Variants in CFAP47 observed in about 807,000 individuals in gnomAD.
CFAP47 encodes cilia- and flagella-associated protein 47.
Under a neutral mutation model 148.1 loss-of-function variants are expected in CFAP47, and 29 were observed. The observed-to-expected ratio is 0.20, with a 90% CI of 0.15 to 0.27. The LOEUF (loss-of-function observed/expected upper bound fraction) is 0.27, where lower values mean the gene tolerates loss of function less well. CFAP47 is among the 10% of genes least tolerant of loss of function. CFAP47 has a pLI of 1.00. For synonymous variants in CFAP47, 664 were observed against 577.3 expected, an observed-to-expected ratio of 1.15 and a Z score of -2.15; for missense variants, 1,872 against 1,697.5, an observed-to-expected ratio of 1.10 and a Z score of -1.81.
rs782530836 is a variant in CFAP47, at chrX:36,371,748, A to G, written c.9185+4621A>G. On this transcript the variant is annotated intron_variant, in intron 62 of 63. Coordinates refer to ENST00000378653, the MANE Select transcript of CFAP47 (RefSeq NM_001304548.2). ...CACACATGTGTGTATATATGTGTGT[A>G]TATACACACATGTGTGTATATACAC... 5.9e-3 allele frequency among the ~76,000 whole-genome samples: 352 copies of G among 60,113 alleles called. 71 individuals are homozygous for G. The highest frequency in any genetic ancestry group is 0.027 in the African/African-American group (322 of 12,092). 52.2% of individuals were successfully genotyped at this position (60,113 alleles called of 115,157 possible).
Position 36,099,888 on chromosome X carries a change from T to TC in CFAP47, c.5127+11dup. 1 of 904,599 alleles carries TC rather than the reference T, an allele frequency of 1.1e-6. No individual in the cohort carries two copies. The highest frequency in any genetic ancestry group is 1.6e-6 in the Non-Finnish European group (1 of 626,405). The allele number at this position is 904,599 out of a possible 1,213,427, so 74.5% of individuals were successfully genotyped here. A position where few individuals can be genotyped will look rare whatever the true frequency, so the allele number is the denominator to read the frequency against. ...TTCTACAGATATACAAGGTAACATT[T>TC]CCATTATTGTTCGCTGCTTCTCTGT... On this transcript the variant is annotated intron_variant, in intron 32 of 63. Coordinates refer to ENST00000378653, the MANE Select transcript of CFAP47 (RefSeq NM_001304548.2).
chrX:36,131,294 G>C (rs900881772), intron 33 of CFAP47, among the ~76,000 whole-genome samples: 1 of 111,282 alleles, frequency 9.0e-6, no homozygotes, highest in African/African-American at 3.3e-5. Flanking sequence ...TGTGTTGCTA[G>C]AGGGATTGTA....
At chrX:36,114,544 T>G (rs1366549376) in intron 33 of CFAP47, among the ~76,000 whole-genome samples, 1 of 111,881 alleles carries the variant, frequency 8.9e-6, no homozygotes, top group Non-Finnish European at 1.9e-5. Context: ...TCTTATTTTA[T>G]GACCTTGAGA....
In CFAP47 at chrX:36,319,323, C is replaced by T. The variant is rs1556011643; in HGVS notation, c.8443+16C>T. On this transcript the variant is annotated intron_variant, in intron 57 of 63. Coordinates refer to ENST00000378653, the MANE Select transcript of CFAP47 (RefSeq NM_001304548.2). ...GAAATACAAGGTACAGGATTTCTAC[C>T]TTACATTCTATCATTCTGTTTGTTG... 6.3e-6 allele frequency: 5 copies of T among 789,425 alleles called. No individual in the cohort carries two copies. The highest frequency in any genetic ancestry group is 8.9e-6 in the Non-Finnish European group (5 of 563,535). The allele number at this position is 789,425 out of a possible 1,213,427, so 65.1% of individuals were successfully genotyped here. A position where few individuals can be genotyped will look rare whatever the true frequency, so the allele number is the denominator to read the frequency against.
intron 26 of CFAP47, among the ~76,000 whole-genome samples, chrX:36,058,156 TCA>T (rs1367047654): frequency 8.9e-6 from 1 of 111,955 alleles, no homozygotes; most frequent in Non-Finnish European, 1.9e-5. Context: ...AGCTGTGATC[TCA>T]TTCTTTTCAA....
chrX:36,011,738 G>A (rs1937040360), intron 21 of CFAP47, among the ~76,000 whole-genome samples: 1 of 111,741 alleles, frequency 8.9e-6, no homozygotes, highest in Non-Finnish European at 1.9e-5. Flanking sequence ...GTTCCTTGTA[G>A]ATTGTGGGTA....
intron 43 of CFAP47, 103 bp from the exon 44 acceptor site, chrX:36,201,171 T>C: frequency 6.8e-6 from 2 of 293,041 alleles, no homozygotes; most frequent in Non-Finnish European, 1.2e-5. Flanking sequence ...ATAATGACCA[T>C]AACTGCAATT....
At chrX:36,294,660 C>T (rs868909219) in intron 51 of CFAP47, among the ~76,000 whole-genome samples, 15 of 109,881 alleles carry the variant, frequency 1.4e-4, no homozygotes, top group Middle Eastern at 9.6e-3. Flanking sequence ...TGCAGTGAGC[C>T]GAGATCATGC....
chrX:36,041,006 C>G (rs1250706914), intron 25 of CFAP47, among the ~76,000 whole-genome samples: 4 of 111,401 alleles, frequency 3.6e-5, no homozygotes, highest in Non-Finnish European at 7.5e-5. Flanking sequence ...AAATATATAA[C>G]CTTAAATACT....
intron 49 of CFAP47, among the ~76,000 whole-genome samples, chrX:36,263,446 G>A (rs1556000512): frequency 8.9e-6 from 1 of 111,798 alleles, no homozygotes; most frequent in Non-Finnish European, 1.9e-5. Context: ...CTCTAGGTTT[G>A]GGAAGTTCTC....
intron 49 of CFAP47, among the ~76,000 whole-genome samples, chrX:36,255,787 CTG>C (rs1940743808): frequency 1.8e-5 from 2 of 111,585 alleles, no homozygotes; most frequent in African/African-American, 3.3e-5. Flanking sequence ...AAACCAATAA[CTG>C]TGAGGGGGAA....
chrX:36,344,071 C>T (rs1350112368), intron 57 of CFAP47, among the ~76,000 whole-genome samples: 3 of 95,325 alleles, frequency 3.1e-5, no homozygotes, highest in Non-Finnish European at 6.1e-5. Flanking sequence ...TGAATAATGC[C>T]GCAATAAGTG....
At chrX:36,054,858 C>T (rs1033864325) in intron 26 of CFAP47, among the ~76,000 whole-genome samples, 8 of 110,217 alleles carry the variant, frequency 7.3e-5, no homozygotes, top group African/African-American at 1.7e-4. Context: ...CTGCAAGTTC[C>T]GCCTCCCGGG....
chrX:35,937,772 TTG>T (rs1935939908), intron 2 of CFAP47, among the ~76,000 whole-genome samples: 2 of 110,652 alleles, frequency 1.8e-5, no homozygotes, highest in African/African-American at 6.6e-5. Flanking sequence ...AAAAAAACTG[TTG>T]GAGTGAGCAC....
At chrX:35,992,055 AT>A (rs1485025582) in intron 17 of CFAP47, 112 bp downstream of exon 17, 1 of 275,213 alleles carries the variant, frequency 3.6e-6, no homozygotes, top group African/African-American at 2.8e-5. Context: ...TTCACATTAA[AT>A]TTACCTGAGT....
chrX:36,035,946 TTTG>T (rs1168799115), intron 24 of CFAP47, 92 bp downstream of exon 24: 3 of 273,167 alleles, frequency 1.1e-5, no homozygotes, highest in Non-Finnish European at 1.9e-5. Context: ...ATTTAGATTA[TTTG>T]TTATTTCTTT....
intron 46 of CFAP47, among the ~76,000 whole-genome samples, chrX:36,234,003 T>G (rs1371867067): frequency 9.0e-6 from 1 of 111,420 alleles, no homozygotes; most frequent in African/African-American, 3.3e-5. Flanking sequence ...TCTGATGGGT[T>G]TCCCTTTGTG....
In CFAP47 at chrX:36,287,487, G is replaced by T. The variant is rs185256374; in HGVS notation, c.7686+1761G>T. 6.6e-3 allele frequency among the ~76,000 whole-genome samples: 739 copies of T among 111,490 alleles called. 5 individuals are homozygous for T. The highest frequency in any genetic ancestry group is 0.017 in the African/African-American group (536 of 30,748). On this transcript the variant is annotated intron_variant, in intron 51 of 63. Coordinates refer to ENST00000378653, the MANE Select transcript of CFAP47 (RefSeq NM_001304548.2). ...AGTTATTTCATAAATATACTTAAATGATATTTTTTCATGGTCTACTTAGAT... is the reference window on the plus strand; with the variant it reads ...AGTTATTTCATAAATATACTTAAATTATATTTTTTCATGGTCTACTTAGAT...
rs1192281803 is a variant in CFAP47, at chrX:36,133,838, A to AG, written c.5321-4120_5321-4119insG. Reference sequence around the variant, plus strand: ...AAAGAAAAAGAAAGAAAAAGGAAAAAAAAGAAAATAACAAACCACCTCTTG... The same window carrying AG: ...AAAGAAAAAGAAAGAAAAAGGAAAAAGAAAGAAAATAACAAACCACCTCTTG... On this transcript the variant is annotated intron_variant, in intron 33 of 63. Coordinates refer to ENST00000378653, the MANE Select transcript of CFAP47 (RefSeq NM_001304548.2). Among the ~76,000 whole-genome samples the AG allele has an allele frequency of 5.1e-3, 558 of 110,049 alleles. 4 individuals are homozygous for AG. The highest frequency in any genetic ancestry group is 0.017 in the African/African-American group (507 of 30,424).
Sources: gnomAD v4.1 joint callset for allele counts (sites outside exome capture counted in the v4.1 genomes callset) on GRCh38, gnomAD v4.1.1 for gene constraint, MANE v1.5 for transcripts, NCBI Gene and HGNC (gene_info 2026-07-23, HGNC 2026-07-21) for gene names.